NCALD: variants seen among roughly 807,000 people sequenced by gnomAD.
NCALD encodes the protein neurocalcin delta, also known as neurocalcin-delta.
A neutral mutation model predicts 18.6 loss-of-function variants in NCALD; 10 were observed. The ratio of observed to expected loss-of-function variants is 0.54; its 90% CI spans 0.33 to 0.91. The LOEUF (loss-of-function observed/expected upper bound fraction) is 0.91. Among genes scored for constraint, NCALD ranks in the 40% least tolerant of loss-of-function variants. The pLI is 0.03. For missense variants in NCALD, 184 were observed against 247.6 expected (o/e 0.74, Z 1.72); for synonymous variants, 88 against 87.4 (o/e 1.01, Z -0.04).
intron 1 of NCALD, among the ~76,000 whole-genome samples, chr8:101,753,010 G>T (rs1327214496): frequency 6.6e-6 from 1 of 150,874 alleles, no homozygotes; most frequent in South Asian, 2.1e-4. Context: ...TCAATTTCAC[G>T]TGCTCAGTAG....
In NCALD at chr8:101,982,713, C is replaced by T. The variant is rs186483870; in HGVS notation, c.-157+37524G>A. Among the ~76,000 whole-genome samples, 915 of 152,028 alleles carry T rather than the reference C, an allele frequency of 6.0e-3. 3 individuals are homozygous for T. The highest frequency in any genetic ancestry group is 0.01 in the Non-Finnish European group (681 of 67,978). ...AAAATTAGCTGGGTGTGGTGGCACA[C>T]GCCTGTAGTCCCAGCTACTTGGGAG... is the stretch of plus-strand genomic sequence containing the variant. On this transcript the variant is annotated intron_variant, in intron 2 of 6. Transcript: ENST00000311028.
At chr8:102,104,130 G>A (rs763573301) in intron 1 of NCALD, among the ~76,000 whole-genome samples, 9 of 152,120 alleles carry the variant, frequency 5.9e-5, no homozygotes, top group Non-Finnish European at 1.0e-4. Context: ...ACCTCCACAC[G>A]ACTTCAAGTC....
At position 101,762,141 on chromosome 8, in the gene NCALD, G is replaced by A. The variant is rs981623648; in HGVS notation, c.-20+28721C>T. On this transcript the variant is annotated intron_variant, in intron 1 of 3. Transcript: ENST00000220931. ...GTTAAATCAGCTGAATCAATATCCCGACTAATATATATGCATTTTCCCTAA... is the reference window on the plus strand; with the variant it reads ...GTTAAATCAGCTGAATCAATATCCCAACTAATATATATGCATTTTCCCTAA... 7.9e-5 allele frequency among the ~76,000 whole-genome samples: 12 copies of A among 152,124 alleles called. 1 individual carries two copies. The East Asian group carries it at 2.1e-3, about 27-fold the overall frequency.
At chr8:101,956,090 T>A (rs575580238) in intron 2 of NCALD, among the ~76,000 whole-genome samples, 6 of 152,222 alleles carry the variant, frequency 3.9e-5, no homozygotes, top group African/African-American at 1.2e-4. Flanking sequence ...TTCTTGACAT[T>A]TTTCTATAAG....
intron 3 of NCALD, among the ~76,000 whole-genome samples, chr8:101,887,977 T>C (rs1333495063): frequency 6.6e-6 from 1 of 152,196 alleles, no homozygotes; most frequent in Non-Finnish European, 1.5e-5. Context: ...TAAAAATGGC[T>C]GTAGCAGTTC....
rs141418236 is a variant in NCALD, at chr8:101,869,837, T to C, written c.-20+17304A>G. Among the ~76,000 whole-genome samples the C allele has an allele frequency of 4.7e-3, 723 of 152,342 alleles. 9 individuals are homozygous for C. The highest frequency in any genetic ancestry group is 0.016 in the African/African-American group (667 of 41,578). ...AATCCTCATATTTATGTATTTGTTA[T>C]AAAATCATTCAGGAGTGTGTTACAA... On this transcript the variant is annotated intron_variant, in intron 4 of 6. Transcript: ENST00000311028.
intron 4 of NCALD, among the ~76,000 whole-genome samples, chr8:101,808,736 C>T (rs1469062434): frequency 6.6e-6 from 1 of 152,054 alleles, no homozygotes; most frequent in Admixed American, 6.6e-5. Flanking sequence ...AGTATGGTGA[C>T]TACCACTGTA....
intron 2 of NCALD, among the ~76,000 whole-genome samples, chr8:101,947,859 A>G (rs889642480): frequency 1.3e-5 from 2 of 152,244 alleles, no homozygotes; most frequent in Admixed American, 6.5e-5. Context: ...AGACTGTTCT[A>G]GGCAAAAGCA....
intron 1 of NCALD, among the ~76,000 whole-genome samples, chr8:102,089,678 A>G (rs1824859931): frequency 6.6e-6 from 1 of 152,180 alleles, no homozygotes; most frequent in African/African-American, 2.4e-5. Flanking sequence ...TAAAAAAAAA[A>G]ATTATAAAAA....
intron 4 of NCALD, among the ~76,000 whole-genome samples, chr8:101,821,731 G>A (rs1428987787): frequency 6.6e-6 from 1 of 151,940 alleles, no homozygotes; most frequent in East Asian, 1.9e-4. Flanking sequence ...TTCAAGCAAA[G>A]TCCTCTGCAA....
At chr8:101,740,807 C>T (rs1309794473) in intron 1 of NCALD, among the ~76,000 whole-genome samples, 1 of 152,212 alleles carries the variant, frequency 6.6e-6, no homozygotes, top group African/African-American at 2.4e-5. Context: ...TCTGTGTGTG[C>T]CTGGCTGGGT....
chr8:101,793,609 C>T (rs191738880), upstream of NCALD, among the ~76,000 whole-genome samples: 3 of 152,252 alleles, frequency 2.0e-5, no homozygotes, highest in Admixed American at 6.5e-5. Flanking sequence ...GGTTAATTAA[C>T]CCAAATGTAG....
At chr8:102,104,980 A>G (rs529724988) in intron 1 of NCALD, among the ~76,000 whole-genome samples, 1 of 152,358 alleles carries the variant, frequency 6.6e-6, no homozygotes, top group South Asian at 2.1e-4. Flanking sequence ...GCGAACAGAT[A>G]AGCCTGGAGC....
intron 1 of NCALD, among the ~76,000 whole-genome samples, chr8:102,039,839 C>T (rs942749999): frequency 9.9e-5 from 15 of 152,100 alleles, no homozygotes; most frequent in African/African-American, 3.1e-4. Flanking sequence ...TCAGTTCCCA[C>T]GTGACCTGGC....
At chr8:101,692,453 C>A (rs1814772707) in intron 3 of NCALD, 6 of 985,304 alleles carry the variant, frequency 6.1e-6, no homozygotes, top group Non-Finnish European at 7.2e-6. Flanking sequence ...ACTGCAGGGA[C>A]CCAGCCTGCT....
At chr8:101,712,756 C>T (rs903172855) in intron 2 of NCALD, among the ~76,000 whole-genome samples, 1 of 152,150 alleles carries the variant, frequency 6.6e-6, no homozygotes, top group African/African-American at 2.4e-5. Context: ...GCACCCAATA[C>T]AGGAGCACCC....
At chr8:101,810,856 T>C (rs1189805863) in intron 4 of NCALD, among the ~76,000 whole-genome samples, 1 of 152,000 alleles carries the variant, frequency 6.6e-6, no homozygotes, top group Non-Finnish European at 1.5e-5. Context: ...TAGAGGTGAA[T>C]CTTGCTTTAA....
At chr8:101,889,653 C>G (rs1816800880) in intron 3 of NCALD, among the ~76,000 whole-genome samples, 2 of 152,144 alleles carry the variant, frequency 1.3e-5, no homozygotes, top group South Asian at 2.1e-4. Context: ...TTCTAAATAT[C>G]CTTGGCTACA....
At chr8:101,990,645 G>C (rs757601843) in intron 2 of NCALD, among the ~76,000 whole-genome samples, 1 of 152,150 alleles carries the variant, frequency 6.6e-6, no homozygotes, top group African/African-American at 2.4e-5. Context: ...CTGCCTCCAG[G>C]TGAGAGGTGT....
Sources: allele counts gnomAD v4.1 joint callset (sites outside exome capture counted in the v4.1 genomes callset), GRCh38; gene constraint gnomAD v4.1.1; transcripts MANE v1.5; gene names NCBI Gene and HGNC (gene_info 2026-07-23, HGNC 2026-07-21).